VSTM4: variants seen among roughly 807,000 people sequenced by gnomAD.
The protein encoded by VSTM4 is V-set and transmembrane domain containing 4, also known as V-set and transmembrane domain-containing protein 4.
VSTM4 carries 20 observed loss-of-function variants against 36.4 expected under a neutral mutation model. The ratio of observed to expected loss-of-function variants is 0.55; its 90% CI spans 0.39 to 0.80. The LOEUF is 0.80. Among genes scored for constraint, VSTM4 ranks in the 30% least tolerant of loss-of-function variants. The pLI is 0.00. For missense variants in VSTM4, 392 were observed against 404.5 expected (o/e 0.97, Z 0.26); for synonymous variants, 182 against 173.9 (o/e 1.05, Z -0.37).
chr10:49,071,455 T>A (rs947245794), intron 4 of VSTM4, among the ~76,000 whole-genome samples: 9 of 152,210 alleles, frequency 5.9e-5, no homozygotes, highest in Non-Finnish European at 1.3e-4. Context: ...GGACAGAGAC[T>A]TGAGGCTCAG....
intron 3 of VSTM4, among the ~76,000 whole-genome samples, chr10:49,083,605 T>G (rs1294713683): frequency 1.3e-5 from 2 of 152,248 alleles, no homozygotes; most frequent in East Asian, 3.8e-4. Context: ...TGCTTTTGGA[T>G]GAGGCCTGAT....
chr10:49,069,311 G>T (rs773997309), intron 4 of VSTM4, among the ~76,000 whole-genome samples: 1 of 152,182 alleles, frequency 6.6e-6, no homozygotes, highest in Non-Finnish European at 1.5e-5. Context: ...CACAGGCCCC[G>T]CAATAGGACC....
At chr10:49,103,421 G>A in intron 2 of VSTM4, 1 of 667,676 alleles carries the variant, frequency 1.5e-6, no homozygotes, top group Non-Finnish European at 1.9e-6. Context: ...GAAATGTTAA[G>A]TTGAGTAGAG....
At chr10:49,031,747 C>T (rs1843349047) in intron 7 of VSTM4, among the ~76,000 whole-genome samples, 2 of 152,194 alleles carry the variant, frequency 1.3e-5, no homozygotes, top group Admixed American at 1.3e-4. Flanking sequence ...GAGTTCTTAT[C>T]AGGATATCAG....
At chr10:49,032,655 C>T (rs1332499339) in intron 7 of VSTM4, among the ~76,000 whole-genome samples, 1 of 152,124 alleles carries the variant, frequency 6.6e-6, no homozygotes, top group African/African-American at 2.4e-5. Context: ...AGCACCCCCA[C>T]CCCCATCTGC....
chr10:49,082,986 G>A (rs774885676), intron 3 of VSTM4, among the ~76,000 whole-genome samples: 1 of 152,180 alleles, frequency 6.6e-6, no homozygotes, highest in Non-Finnish European at 1.5e-5. Flanking sequence ...CCAGGGCCAG[G>A]CAGATGGCAC....
intron 5 of VSTM4, among the ~76,000 whole-genome samples, chr10:49,055,168 G>A (rs117305794): frequency 0.025 from 3,801 of 152,308 alleles, 97 homozygotes; most frequent in Admixed American, 0.064. Context: ...GGAGCTAATG[G>A]AGCTGTGTTG....
chr10:49,115,167 C>G (rs114224190), intron 1 of VSTM4, among the ~76,000 whole-genome samples: 4,532 of 152,092 alleles, frequency 0.03, 185 homozygotes, highest in South Asian at 0.12. Context: ...AAGATCTCGG[C>G]TGCTGCGAGA....
At chr10:49,103,845 G>A (rs766848321) in intron 2 of VSTM4, 4 of 1,613,876 alleles carry the variant, frequency 2.5e-6, no homozygotes, top group South Asian at 1.1e-5. Context: ...CCTCTCCACT[G>A]GATGGCTGGA....
At chr10:49,113,885 A>G (rs568509669) in intron 1 of VSTM4, among the ~76,000 whole-genome samples, 84 of 152,274 alleles carry the variant, frequency 5.5e-4, no homozygotes, top group African/African-American at 2.0e-3. Flanking sequence ...TCCAGGGCTG[A>G]CCATGGGCAC....
intron 4 of VSTM4, among the ~76,000 whole-genome samples, chr10:49,067,210 G>A (rs185407141): frequency 6.6e-6 from 1 of 152,162 alleles, no homozygotes; most frequent in South Asian, 2.1e-4. Context: ...AAAAATGATT[G>A]AGTGCATAGT....
chr10:49,024,367 G>A (rs59443750), intron 7 of VSTM4, among the ~76,000 whole-genome samples: 9 of 152,242 alleles, frequency 5.9e-5, no homozygotes, highest in African/African-American at 2.2e-4. Context: ...AGGGGGGATG[G>A]AGGGTCAGAT....
At chr10:49,105,227 G>GAC (rs1554836309) in intron 2 of VSTM4, among the ~76,000 whole-genome samples, 1 of 148,090 alleles carries the variant, frequency 6.8e-6, no homozygotes, top group African/African-American at 2.5e-5. Context: ...GAGAGAGAGA[G>GAC]AGAGAGAGAC....
chr10:49,107,732 C>T lies in VSTM4; in HGVS notation c.319G>A (p.Gly107Arg). Residue 107 changes from glycine to arginine, a missense_variant, in exon 2 of 8, where the codon GGG becomes AGG. By Grantham distance (125) the Gly-to-Arg change is moderately radical. Transcript: ENST00000332853. ...RRLRLLEEQR[G>R]ALYRLSVLTL... ...AAGACGGAGAGCCTGTAGAGCGCCC[C>T]CCGCTGCTCCTCCAGCAGGCGCAGC... The T allele has an allele frequency of 1.2e-6, 2 of 1,614,172 alleles. No homozygotes were observed. The highest frequency in any genetic ancestry group is 1.7e-6 in the Non-Finnish European group (2 of 1,180,020).
chr10:49,027,494 G>T (rs1006338610), intron 7 of VSTM4, among the ~76,000 whole-genome samples: 3 of 152,116 alleles, frequency 2.0e-5, no homozygotes, highest in Non-Finnish European at 4.4e-5. Context: ...GAGTTTTGAG[G>T]TGCCCAGTTC....
chr10:49,102,762 A>C, intron 2 of VSTM4: 2 of 985,460 alleles, frequency 2.0e-6, no homozygotes. Flanking sequence ...TTGACAAAGA[A>C]CATTTTATTC....
At chr10:49,108,032 G>C in intron 1 of VSTM4, 37 bp from the exon 2 acceptor site, 2 of 1,517,680 alleles carry the variant, frequency 1.3e-6, no homozygotes, top group South Asian at 1.3e-5. Context: ...GATGAGGAGG[G>C]CCCCAAGTCC....
intron 5 of VSTM4, chr10:49,064,286 A>G: frequency 5.4e-6 from 1 of 184,058 alleles, no homozygotes; most frequent in East Asian, 1.7e-4. Flanking sequence ...ATCTCTTATA[A>G]CTATTATGTT....
At chr10:49,098,661 T>C (rs371479322) in intron 2 of VSTM4, among the ~76,000 whole-genome samples, 22 of 152,306 alleles carry the variant, frequency 1.4e-4, no homozygotes, top group African/African-American at 4.8e-4. Flanking sequence ...CCTCTGGACA[T>C]CCATGCCGCC....
Sources: gnomAD v4.1 joint callset for allele counts (sites outside exome capture counted in the v4.1 genomes callset) on GRCh38, gnomAD v4.1.1 for gene constraint, MANE v1.5 for transcripts, NCBI Gene and HGNC (gene_info 2026-07-23, HGNC 2026-07-21) for gene names.